PABPC4L: variants seen among roughly 807,000 people sequenced by gnomAD.
The protein encoded by PABPC4L is polyadenylate-binding protein 4-like.
For missense variants in PABPC4L, 452 were observed against 451.4 expected (o/e 1.00, Z -0.01); for synonymous variants, 169 against 164.1 (o/e 1.03, Z -0.23).
chr4:134,045,750 A>G, the PABPC4L span, among the ~76,000 whole-genome samples: 1 of 152,024 alleles, frequency 6.6e-6, no homozygotes, highest in African/African-American at 2.4e-5. Flanking sequence ...CACTCCCTTC[A>G]CCAATAATTT....
At chr4:134,079,270 T>C in the PABPC4L span, among the ~76,000 whole-genome samples, 2 of 150,094 alleles carry the variant, frequency 1.3e-5, no homozygotes, top group Non-Finnish European at 1.5e-5. Context: ...ACAACCAACC[T>C]GTTTTGTAAC....
the PABPC4L span, among the ~76,000 whole-genome samples, chr4:134,000,191 A>C: frequency 6.6e-6 from 1 of 152,184 alleles, no homozygotes; most frequent in Admixed American, 6.6e-5. Context: ...GTGGAAATCA[A>C]AAAAGCATAT....
At chr4:134,078,830 T>C in the PABPC4L span, among the ~76,000 whole-genome samples, 1 of 150,574 alleles carries the variant, frequency 6.6e-6, no homozygotes, top group Non-Finnish European at 1.5e-5. Context: ...TTTTTTTTTC[T>C]TTTTTTTCTT....
chr4:134,153,568 C>A, the PABPC4L span, among the ~76,000 whole-genome samples: 1 of 151,864 alleles, frequency 6.6e-6, no homozygotes. Context: ...AGCTAAAGGC[C>A]GTATACTTTT....
At chr4:134,113,831 G>GA in the PABPC4L span, among the ~76,000 whole-genome samples, 5 of 151,708 alleles carry the variant, frequency 3.3e-5, no homozygotes, top group African/African-American at 1.2e-4. Flanking sequence ...AGGCCCAGAG[G>GA]AATGAGAGAG....
At chr4:133,984,431 G>A in the PABPC4L span, among the ~76,000 whole-genome samples, 1 of 151,676 alleles carries the variant, frequency 6.6e-6, no homozygotes, top group Non-Finnish European at 1.5e-5. Context: ...TTCAAAAATG[G>A]CATTTTTTCA....
chr4:134,014,885 T>C, the PABPC4L span, among the ~76,000 whole-genome samples: 2 of 152,128 alleles, frequency 1.3e-5, no homozygotes, highest in East Asian at 3.9e-4. Context: ...TAGACAATAC[T>C]CTTTAATGCA....
the PABPC4L span, among the ~76,000 whole-genome samples, chr4:134,013,233 C>A: frequency 1.3e-5 from 2 of 151,966 alleles, no homozygotes; most frequent in Non-Finnish European, 2.9e-5. Context: ...GGGGCAGGAA[C>A]CCCGACCTCT....
chr4:134,076,015 GAAA>G, the PABPC4L span, among the ~76,000 whole-genome samples: 1 of 140,820 alleles, frequency 7.1e-6, no homozygotes, highest in Non-Finnish European at 1.6e-5. Flanking sequence ...ATAGGAACTG[GAAA>G]AAAAAAAAGA....
At chr4:134,153,076 A>C in the PABPC4L span, among the ~76,000 whole-genome samples, 1 of 152,326 alleles carries the variant, frequency 6.6e-6, no homozygotes, top group East Asian at 1.9e-4. Flanking sequence ...AACACTTTCC[A>C]TGAGGCTCCA....
At chr4:134,086,837 A>C in the PABPC4L span, among the ~76,000 whole-genome samples, 2 of 148,434 alleles carry the variant, frequency 1.3e-5, no homozygotes, top group African/African-American at 2.5e-5. Context: ...GATTTAGGGT[A>C]CATGTGCACA....
the PABPC4L span, among the ~76,000 whole-genome samples, chr4:134,106,837 T>A: frequency 6.6e-6 from 1 of 151,484 alleles, no homozygotes; most frequent in South Asian, 2.1e-4. Context: ...GGTAGGAGGT[T>A]GCATCCTTTC....
the PABPC4L span, among the ~76,000 whole-genome samples, chr4:134,070,543 C>T: frequency 2.6e-5 from 4 of 152,042 alleles, no homozygotes; most frequent in East Asian, 5.8e-4. Context: ...GAGGTACGCT[C>T]ATGCCAGCTG....
the PABPC4L span, among the ~76,000 whole-genome samples, chr4:134,101,899 T>C: frequency 6.6e-6 from 1 of 151,540 alleles, no homozygotes; most frequent in Non-Finnish European, 1.5e-5. Flanking sequence ...AAATAGCATA[T>C]GTTTCATTCA....
the PABPC4L span, among the ~76,000 whole-genome samples, chr4:134,016,784 A>G: frequency 2.6e-5 from 4 of 151,990 alleles, no homozygotes; most frequent in Admixed American, 2.6e-4. Context: ...AACTATCCTC[A>G]TGGAGATCAC....
chr4:133,949,118 G>A, the PABPC4L span, among the ~76,000 whole-genome samples: 1 of 152,050 alleles, frequency 6.6e-6, no homozygotes, highest in Non-Finnish European at 1.5e-5. Flanking sequence ...GTGGCATGGG[G>A]GCCCTTATAT....
At chr4:134,043,993 C>A in the PABPC4L span, among the ~76,000 whole-genome samples, 1 of 151,680 alleles carries the variant, frequency 6.6e-6, no homozygotes, top group Admixed American at 6.6e-5. Flanking sequence ...GTGTCTCAAA[C>A]GACACCTAGG....
chr4:134,171,863 T>C, the PABPC4L span, among the ~76,000 whole-genome samples: 2 of 152,134 alleles, frequency 1.3e-5, no homozygotes, highest in Middle Eastern at 6.8e-3. Flanking sequence ...CATTTCTATA[T>C]ACCAACAACA....
At chr4:134,000,378 C>A in the PABPC4L span, among the ~76,000 whole-genome samples, 1 of 152,048 alleles carries the variant, frequency 6.6e-6, no homozygotes, top group Non-Finnish European at 1.5e-5. Flanking sequence ...TAACAGCCAA[C>A]AATTTAAAGT....
Sources: gnomAD v4.1 joint callset for allele counts (sites outside exome capture counted in the v4.1 genomes callset) on GRCh38, gnomAD v4.1.1 for gene constraint, MANE v1.5 for transcripts, NCBI Gene and HGNC (gene_info 2026-07-23, HGNC 2026-07-21) for gene names.